The following FEZ1 variants were observed in gnomAD, a reference collection of about 807,000 sequenced individuals.
FEZ1 encodes fasciculation and elongation protein zeta-1.
In FEZ1, 20 loss-of-function variants were observed where a neutral mutation model predicts 49.3. That is an observed-to-expected ratio of 0.41 (90% confidence interval 0.29 to 0.59). The LOEUF is 0.59. Ranked by LOEUF, FEZ1 falls within the 20% of genes least tolerant of loss-of-function variation. FEZ1 has a pLI of 0.36. For synonymous variants in FEZ1, 170 were observed against 180.9 expected (o/e 0.94, Z 0.48); for missense variants, 413 against 476.0 (o/e 0.87, Z 1.23).
intron 1 of FEZ1, among the ~76,000 whole-genome samples, chr11:125,491,825 G>C (rs113286663): frequency 6.6e-6 from 1 of 152,222 alleles, no homozygotes; most frequent in South Asian, 2.1e-4. Flanking sequence ...AAGGCAACAT[G>C]ATAGGACCTT....
At chr11:125,491,279 A>G (rs1033832491) in intron 1 of FEZ1, among the ~76,000 whole-genome samples, 4 of 152,086 alleles carry the variant, frequency 2.6e-5, no homozygotes, top group African/African-American at 9.7e-5. Context: ...GGCCATCTTC[A>G]TGCACTGCTT....
At position 125,455,874 on chromosome 11, in the gene FEZ1, C is replaced by G; in HGVS notation, c.900G>C (p.Gln300His). The change falls in exon 6 of 10, where the codon CAG (glutamine) becomes CAC (histidine). Residue 300 changes from glutamine (Q) to histidine (H), a missense_variant. By Grantham distance (24) the Gln-to-His change is conservative. Transcript: ENST00000278919. ...GGTTTCCCTTCTCTATCCGGCTGCTCTGCAGGCTCAGCCCTTTCTCTTTCC... is the reference window on the plus strand; with the variant it reads ...GGTTTCCCTTCTCTATCCGGCTGCTGTGCAGGCTCAGCCCTTTCTCTTTCC... ...KRRKEKGLSLQSSRIEKGNQM... is the reference protein window; with the variant it reads ...KRRKEKGLSLHSSRIEKGNQM... The G allele has an allele frequency of 1.2e-6, 2 of 1,613,962 alleles. No individual in the cohort carries two copies. Among genetic ancestry groups the G allele is most frequent in the Non-Finnish European group, 1.7e-6 (2 of 1,180,008 alleles).
rs1171127566 is a variant in FEZ1, at chr11:125,444,648, T to A, written c.*1447A>T. ...CACTGGGAGTGCCTTCTGTGTCCCC[T>A]AGATGGATTCTGTGGCCTTCTGTGG... On this transcript the variant is annotated 3_prime_UTR_variant, in exon 10 of 10. Coordinates refer to ENST00000278919, the MANE Select transcript of FEZ1 (RefSeq NM_005103.5). Among the ~76,000 whole-genome samples, 6 of 151,830 alleles carry A rather than the reference T, an allele frequency of 4.0e-5. No homozygotes were observed. Among genetic ancestry groups the A allele is most frequent in the Non-Finnish European group, 8.8e-5 (6 of 67,978 alleles).
rs1036088841 is a variant in FEZ1, at chr11:125,443,953, A to G, written c.*2142T>C. ...GACCCAGATCTGACAAATCCAAGGC[A>G]GGAAGAAAAGCTCTCAGGAATTCAC... On this transcript the variant is annotated 3_prime_UTR_variant, in exon 10 of 10. Transcript: ENST00000278919. 1.3e-5 allele frequency among the ~76,000 whole-genome samples: 2 copies of G among 152,218 alleles called. No individual in the cohort carries two copies. Among genetic ancestry groups the G allele is most frequent in the Non-Finnish European group, 2.9e-5 (2 of 68,044 alleles).
rs1280158136 is a variant in FEZ1 at position 125,446,024 on chromosome 11, C to T, written c.*71G>A. On this transcript the variant is annotated 3_prime_UTR_variant, in exon 10 of 10. Transcript: ENST00000278919. ...ATACATGTCGGAGGTTACATGGTCT[C>T]ATGCAGTCCCTGTGATGGAATGACT... is the stretch of plus-strand genomic sequence containing the variant. 1.4e-6 allele frequency: 2 copies of T among 1,430,402 alleles called. No individual in the cohort carries two copies. Among genetic ancestry groups the T allele is most frequent in the Non-Finnish European group, 2.0e-6 (2 of 1,012,858 alleles). 88.6% of individuals were successfully genotyped at this position (1,430,402 alleles called of 1,614,324 possible).
rs1388810254 is a variant in FEZ1, at chr11:125,495,119, G to C, written c.-46+1002C>G. On this transcript the variant is annotated intron_variant, in intron 1 of 9. Transcript: ENST00000278919. The surrounding 1 kb of genome is among the most constrained non-coding windows in gnomAD (Gnocchi z 4.2). ...CAGCAACCCCTTCGCGGTTCTGCTT[G>C]CTCCCCTCCCCCTCCTCCCGCTGCT... is the stretch of plus-strand genomic sequence containing the variant. 1 of 348,072 alleles carries C rather than the reference G, an allele frequency of 2.9e-6. No homozygotes were observed. The highest frequency in any genetic ancestry group is 4.0e-5 in the Admixed American group (1 of 25,054). The allele number at this position is 348,072 out of a possible 1,614,324, so 21.6% of individuals were successfully genotyped here.
rs746529629 is a variant in FEZ1, at chr11:125,443,480, C to T, written c.*2615G>A. On this transcript the variant is annotated 3_prime_UTR_variant, in exon 10 of 10. Transcript: ENST00000278919. ...AGTTGCAGGGAGATTTAGCTTAATA[C>T]GTAGTAGAGCTGCATTTGAACTCAA... 1.8e-4 allele frequency among the ~76,000 whole-genome samples: 28 copies of T among 152,158 alleles called. No homozygotes were observed. Among genetic ancestry groups the T allele is most frequent in the Admixed American group, 1.5e-3 (23 of 15,276 alleles).
intron 3 of FEZ1, among the ~76,000 whole-genome samples, chr11:125,465,714 G>GT (rs1209730129): frequency 6.6e-6 from 1 of 152,022 alleles, no homozygotes; most frequent in Non-Finnish European, 1.5e-5. Flanking sequence ...CTATGTGCGG[G>GT]TTACCCCCTA....
chr11:125,493,486 GAAGGAAAGAAAGAAAGAAAGAGAGAA>G (rs1957419406), intron 1 of FEZ1, among the ~76,000 whole-genome samples: 1 of 68,912 alleles, frequency 1.5e-5, no homozygotes, highest in Non-Finnish European at 2.8e-5. Context: ...AAGAAGGAAA[GAAGGAAAGAAAGAAAGAAAGAGAGAA>G]AGAAAGAAAG....
intron 4 of FEZ1, among the ~76,000 whole-genome samples, chr11:125,461,965 G>A (rs995539529): frequency 3.9e-5 from 6 of 152,224 alleles, no homozygotes; most frequent in Non-Finnish European, 5.9e-5. Context: ...AGGGTCTTAT[G>A]GCTGAATGTC....
chr11:125,456,163 G>C, intron 5 of FEZ1, 57 bp from the exon 6 acceptor site: 1 of 1,493,328 alleles, frequency 6.7e-7, no homozygotes, highest in South Asian at 1.3e-5. Flanking sequence ...AGCCCGCTGG[G>C]GAGGCTCCTG....
chr11:125,461,951 T>TG (rs1957079428), intron 4 of FEZ1, among the ~76,000 whole-genome samples: 1 of 152,272 alleles, frequency 6.6e-6, no homozygotes, highest in African/African-American at 2.4e-5. Context: ...CACAAGTCCC[T>TG]GTCAGGGTCT....
rs371596567 is a variant in FEZ1, at chr11:125,495,455, C to G, written c.-46+666G>C. ...CGGGGCCCACCCGACGGCAGCGCGC[C>G]CCGCCACCGCGCAGCCGCCCCGGTC... is the stretch of plus-strand genomic sequence containing the variant. On this transcript the variant is annotated intron_variant, in intron 1 of 9. Coordinates refer to ENST00000278919, the MANE Select transcript of FEZ1 (RefSeq NM_005103.5). The surrounding 1 kb of genome is among the most constrained non-coding windows in gnomAD (Gnocchi z 4.2). 7.7e-4 allele frequency: 363 copies of G among 470,386 alleles called. 2 individuals carry two copies. In the East Asian group the frequency reaches 0.017, roughly 22 times the overall value. The allele number at this position is 470,386 out of a possible 1,614,324, so 29.1% of individuals were successfully genotyped here.
chr11:125,478,738 G>A (rs1473351649), intron 3 of FEZ1, among the ~76,000 whole-genome samples: 13 of 152,118 alleles, frequency 8.5e-5, no homozygotes, highest in Admixed American at 7.9e-4. Flanking sequence ...ATACTACAAG[G>A]AACAGAGCTC....
intron 3 of FEZ1, among the ~76,000 whole-genome samples, chr11:125,468,484 C>T (rs896525396): frequency 2.6e-5 from 4 of 152,120 alleles, no homozygotes; most frequent in Non-Finnish European, 4.4e-5. Context: ...GCCACCACAC[C>T]CAGCCCATAA....
chr11:125,474,131 T>C (rs193103904), intron 3 of FEZ1, among the ~76,000 whole-genome samples: 1 of 151,476 alleles, frequency 6.6e-6, no homozygotes, highest in East Asian at 2.0e-4. Context: ...TTCAAGCAAT[T>C]CTCTTGCTTC....
chr11:125,468,845 C>T (rs1957157799), intron 3 of FEZ1, among the ~76,000 whole-genome samples: 3 of 152,124 alleles, frequency 2.0e-5, no homozygotes, highest in South Asian at 2.1e-4. Context: ...TGGTATTCTT[C>T]ATCAAGAATA....
intron 3 of FEZ1, among the ~76,000 whole-genome samples, chr11:125,473,551 G>T (rs774048946): frequency 1.2e-4 from 18 of 152,148 alleles, no homozygotes; most frequent in Non-Finnish European, 2.6e-4. Flanking sequence ...GGGCACAGTG[G>T]CTCATACCTG....
Position 125,463,499 on chromosome 11 carries a change from C to T in FEZ1, c.483G>A (p.Leu161=). ...ATACTTATACCTGATCTGCTGTGAG[C>T]AGAGGCTCCTCGTTGATACCGGAAT... ...ENDSGINEEP[L]LTADQVIEEI... The change falls in exon 4 of 10, where the codon CTG becomes CTA. Residue 161 remains leucine (L), a synonymous_variant. Coordinates refer to ENST00000278919, the MANE Select transcript of FEZ1 (RefSeq NM_005103.5). The T allele has an allele frequency of 6.2e-7, 1 of 1,601,298 alleles. No homozygotes were observed. The highest frequency in any genetic ancestry group is 1.1e-5 in the South Asian group (1 of 90,832).
Sources: gnomAD v4.1 joint callset for allele counts (sites outside exome capture counted in the v4.1 genomes callset) on GRCh38, gnomAD v4.1.1 for gene constraint, Gnocchi (gnomAD v3.1) non-coding constraint, MANE v1.5 for transcripts, NCBI Gene and HGNC (gene_info 2026-07-23, HGNC 2026-07-21) for gene names.